KCNIP4: variants seen among roughly 807,000 people sequenced by gnomAD.
KCNIP4 encodes potassium voltage-gated channel interacting protein 4, also known as Kv channel-interacting protein 4.
A neutral mutation model predicts 34.0 loss-of-function variants in KCNIP4; 12 were observed. The observed-to-expected ratio is 0.35, with a 90% CI of 0.23 to 0.57. The LOEUF (loss-of-function observed/expected upper bound fraction) is 0.57, where lower values mean the gene tolerates loss of function less well. KCNIP4 is among the 20% of genes least tolerant of loss of function. The pLI is 0.83. For synonymous variants in KCNIP4, 124 were observed against 102.2 expected (o/e 1.21, Z -1.29); for missense variants, 238 against 311.7 (o/e 0.76, Z 1.78).
At chr4:21,027,954 A>G (rs1028654010) in intron 1 of KCNIP4, among the ~76,000 whole-genome samples, 4 of 152,168 alleles carry the variant, frequency 2.6e-5, no homozygotes, top group Non-Finnish European at 5.9e-5. Context: ...CCTTTTCAAC[A>G]TCGCCACTTC....
intron 1 of KCNIP4, among the ~76,000 whole-genome samples, chr4:21,206,833 A>C (rs1756883888): frequency 6.6e-6 from 1 of 152,342 alleles, no homozygotes; most frequent in African/African-American, 2.4e-5. Flanking sequence ...CACAGCTAGT[A>C]AAGGAGGTGG....
intron 3 of KCNIP4, among the ~76,000 whole-genome samples, chr4:20,762,399 TA>T (rs1755028479): frequency 6.6e-6 from 1 of 152,184 alleles, no homozygotes; most frequent in South Asian, 2.1e-4. Flanking sequence ...GACCAATAAC[TA>T]AATATTAAAA....
chr4:21,126,215 A>T (rs1455596358), intron 1 of KCNIP4, among the ~76,000 whole-genome samples: 2 of 152,174 alleles, frequency 1.3e-5, no homozygotes, highest in African/African-American at 4.8e-5. Context: ...ACAAATTAAG[A>T]TCAGTGTTTG....
intron 3 of KCNIP4, among the ~76,000 whole-genome samples, chr4:20,759,394 C>A (rs1027230364): frequency 2.6e-5 from 4 of 152,052 alleles, no homozygotes; most frequent in African/African-American, 7.2e-5. Flanking sequence ...CTAGGCATAC[C>A]CAAGACATGG....
chr4:21,440,675 C>CT (rs1281772636), intron 1 of KCNIP4, among the ~76,000 whole-genome samples: 1 of 152,160 alleles, frequency 6.6e-6, no homozygotes, highest in East Asian at 1.9e-4. Context: ...ACATATCACA[C>CT]TTTTTTGCTA....
intron 1 of KCNIP4, among the ~76,000 whole-genome samples, chr4:21,669,660 C>A (rs1157661837): frequency 2.0e-5 from 3 of 152,096 alleles, no homozygotes; most frequent in Non-Finnish European, 4.4e-5. Context: ...GCAGATAATG[C>A]AAAGTATGAT....
At chr4:21,751,759 G>C (rs1022625489) in intron 1 of KCNIP4, among the ~76,000 whole-genome samples, 1 of 152,070 alleles carries the variant, frequency 6.6e-6, no homozygotes, top group Non-Finnish European at 1.5e-5. Flanking sequence ...AATCACAACT[G>C]GGTTGAACAC....
At chr4:21,071,630 TA>T (rs376985361) in intron 1 of KCNIP4, among the ~76,000 whole-genome samples, 5 of 152,290 alleles carry the variant, frequency 3.3e-5, no homozygotes, top group Admixed American at 1.3e-4. Flanking sequence ...GGATTTTATT[TA>T]TTTTTTTATC....
At chr4:20,881,222 T>C (rs920418407) in intron 2 of KCNIP4, among the ~76,000 whole-genome samples, 2 of 152,340 alleles carry the variant, frequency 1.3e-5, no homozygotes, top group Non-Finnish European at 2.9e-5. Flanking sequence ...AACAAATTGC[T>C]ATTCTATTCT....
chr4:20,995,258 T>G (rs957048612), intron 1 of KCNIP4, among the ~76,000 whole-genome samples: 1 of 152,164 alleles, frequency 6.6e-6, no homozygotes, highest in Non-Finnish European at 1.5e-5. Flanking sequence ...TCTTTTTCTC[T>G]GTTGGGTGCT....
intron 1 of KCNIP4, among the ~76,000 whole-genome samples, chr4:21,468,987 C>G (rs1169563306): frequency 3.9e-5 from 6 of 152,098 alleles, no homozygotes; most frequent in Admixed American, 3.9e-4. Flanking sequence ...AAAACACATA[C>G]AAACAGAAGA....
chr4:21,063,271 C>A, intron 1 of KCNIP4, among the ~76,000 whole-genome samples: 1 of 152,104 alleles, frequency 6.6e-6, no homozygotes, highest in East Asian at 1.9e-4. Context: ...CCAGTTTGTG[C>A]AACTTTGTTA....
chr4:21,089,202 A>G (rs1222268569), intron 1 of KCNIP4, among the ~76,000 whole-genome samples: 1 of 152,176 alleles, frequency 6.6e-6, no homozygotes, highest in African/African-American at 2.4e-5. Flanking sequence ...TAATTAGATC[A>G]TGGGGGTGGA....
intron 1 of KCNIP4, among the ~76,000 whole-genome samples, chr4:21,301,648 T>C (rs1470853012): frequency 6.6e-6 from 1 of 152,140 alleles, no homozygotes; most frequent in Non-Finnish European, 1.5e-5. Flanking sequence ...TAAGAAAGTT[T>C]CAGAAGAAAA....
chr4:20,850,709 C>T, intron 2 of KCNIP4, 42 bp from the exon 3 acceptor site: 1 of 1,598,878 alleles, frequency 6.3e-7, no homozygotes, highest in East Asian at 2.2e-5. Context: ...CCAGCCACTG[C>T]TCACCGATGC....
chr4:21,357,520 A>G (rs901332615), intron 1 of KCNIP4, among the ~76,000 whole-genome samples: 2 of 152,208 alleles, frequency 1.3e-5, no homozygotes, highest in Non-Finnish European at 2.9e-5. Flanking sequence ...ATATGAACAG[A>G]CACTTCTCAA....
chr4:20,923,591 CA>C (rs1219566299), intron 1 of KCNIP4, among the ~76,000 whole-genome samples: 2 of 152,102 alleles, frequency 1.3e-5, no homozygotes, highest in Admixed American at 6.5e-5. Context: ...TTGAATGAAG[CA>C]AAAGATTATA....
chr4:21,043,358 C>T (rs949696137), intron 1 of KCNIP4, among the ~76,000 whole-genome samples: 7 of 152,170 alleles, frequency 4.6e-5, no homozygotes, highest in African/African-American at 1.7e-4. Context: ...GAGACGGAGT[C>T]TCACTCTGTC....
chr4:21,620,210 G>C lies in KCNIP4; in HGVS notation c.61+328361C>G, dbSNP rs147275632. Among the ~76,000 whole-genome samples the C allele has an allele frequency of 3.0e-3, 463 of 152,130 alleles. 3 individuals carry two copies. Among genetic ancestry groups the C allele is most frequent in the African/African-American group, 0.011 (442 of 41,524 alleles). On this transcript the variant is annotated intron_variant, in intron 1 of 8. Transcript: ENST00000382152. Reference sequence around the variant, plus strand: ...CAAAAGAGTAGAAACCATAAGTAAAGAAAGAATTGTGGCCAGGCGTGGTGG... The same window carrying C: ...CAAAAGAGTAGAAACCATAAGTAAACAAAGAATTGTGGCCAGGCGTGGTGG...
Sources: allele counts gnomAD v4.1 joint callset (sites outside exome capture counted in the v4.1 genomes callset), GRCh38; gene constraint gnomAD v4.1.1; transcripts MANE v1.5; gene names NCBI Gene and HGNC (gene_info 2026-07-23, HGNC 2026-07-21).